The following RERE variants were observed in gnomAD, a reference collection of about 807,000 sequenced individuals.
The protein encoded by RERE is arginine-glutamic acid dipeptide repeats.
In RERE, 40 loss-of-function variants were observed where a neutral mutation model predicts 146.1. The ratio of observed to expected loss-of-function variants is 0.27; its 90% CI spans 0.21 to 0.36. The LOEUF (loss-of-function observed/expected upper bound fraction) is 0.36. RERE is among the 10% of genes least tolerant of loss of function. The probability of loss-of-function intolerance (pLI) is 1.00; values close to 1 mark genes in which losing one functional copy is unlikely to be tolerated. For synonymous variants in RERE, 1,003 were observed against 866.0 expected, an observed-to-expected ratio of 1.16 and a Z score of -2.78; for missense variants, 1,933 against 2,138.7, an observed-to-expected ratio of 0.90 and a Z score of 1.90.
rs371053838 is a variant in RERE, at chr1:8,642,130, TAACCCCAATCTAA to T, written c.325+13830_325+13842del. The stretch of plus-strand genomic sequence containing the variant: ...TTTGGTCTGTTAGAAACTGGCCTTG[TAACCCCAATCTAA>T]AACCCCAATCTAAAACAGTAACACT... On this transcript the variant is annotated intron_variant, in intron 2 of 22. Coordinates refer to ENST00000400908, the MANE Select transcript of RERE (RefSeq NM_001042681.2). Among the ~76,000 whole-genome samples, 362 of 152,352 alleles carry T rather than the reference TAACCCCAATCTAA, an allele frequency of 2.4e-3. 1 individual carries two copies. The highest frequency in any genetic ancestry group is 8.0e-3 in the African/African-American group (333 of 41,584).
At chr1:8,630,038 C>T (rs1216066753) in intron 2 of RERE, among the ~76,000 whole-genome samples, 3 of 152,154 alleles carry the variant, frequency 2.0e-5, no homozygotes, top group Non-Finnish European at 2.9e-5. Context: ...ACTCCTCCAC[C>T]CTCAATGCTT....
chr1:8,501,034 G>A (rs1370502051), intron 8 of RERE, among the ~76,000 whole-genome samples: 8 of 133,536 alleles, frequency 6.0e-5, no homozygotes, highest in African/African-American at 6.5e-5. Flanking sequence ...GTCCGGGAGG[G>A]GGGGGGGGGG....
chr1:8,605,581 T>G (rs998893281), intron 4 of RERE, among the ~76,000 whole-genome samples: 2 of 151,750 alleles, frequency 1.3e-5, no homozygotes, highest in Non-Finnish European at 2.9e-5. Flanking sequence ...AAACCCCATC[T>G]CTACAAAAAA....
intron 12 of RERE, among the ~76,000 whole-genome samples, chr1:8,417,391 A>G (rs1190529177): frequency 1.3e-5 from 2 of 152,250 alleles, no homozygotes; most frequent in South Asian, 2.1e-4. Context: ...AATGTGGCTA[A>G]GAAAGGTGGT....
intron 11 of RERE, among the ~76,000 whole-genome samples, chr1:8,434,308 C>G (rs977649612): frequency 1.3e-5 from 2 of 152,070 alleles, no homozygotes; most frequent in Non-Finnish European, 2.9e-5. Flanking sequence ...GCTCAACACA[C>G]CCTGCCACAC....
intron 4 of RERE, among the ~76,000 whole-genome samples, chr1:8,562,243 GTCT>G (rs1364397751): frequency 6.6e-6 from 1 of 152,094 alleles, no homozygotes; most frequent in Non-Finnish European, 1.5e-5. Flanking sequence ...AGAGGAAAAT[GTCT>G]TCATTTTTCC....
chr1:8,508,679 G>A lies in RERE; in HGVS notation c.831-4C>T, dbSNP rs1362447260. ...CCCCTGGGTACTGTTCAGCCTCCTG[G>A]AACAGAAATAGAGCAGATTAAGTTA... On this transcript the variant is annotated splice_polypyrimidine_tract_variant and splice_region_variant and intron_variant, in intron 7 of 22. Transcript: ENST00000400908. The A allele has an allele frequency of 1.2e-5, 19 of 1,611,236 alleles. No individual in the cohort carries two copies. Among genetic ancestry groups the A allele is most frequent in the Non-Finnish European group, 1.4e-5 (17 of 1,177,788 alleles).
chr1:8,386,967 T>C (rs1024619183), intron 12 of RERE, among the ~76,000 whole-genome samples: 13 of 152,186 alleles, frequency 8.5e-5, no homozygotes, highest in Admixed American at 5.9e-4. Context: ...AAATCCCAGC[T>C]GGTTAGTTTG....
intron 10 of RERE, 105 bp from the exon 11 acceptor site, chr1:8,466,128 G>A (rs965473510): frequency 8.7e-6 from 8 of 922,266 alleles, no homozygotes; most frequent in Non-Finnish European, 1.3e-5. Context: ...GAAGAGTCAG[G>A]AAAGGGGCAC....
intron 11 of RERE, among the ~76,000 whole-genome samples, chr1:8,445,410 G>A (rs1644304039): frequency 6.6e-6 from 1 of 152,198 alleles, no homozygotes; most frequent in South Asian, 2.1e-4. Flanking sequence ...TCTTCAGTGT[G>A]CCAATTAAAG....
chr1:8,640,480 AAGG>A (rs754268991), intron 2 of RERE, among the ~76,000 whole-genome samples: 4 of 152,222 alleles, frequency 2.6e-5, no homozygotes, highest in Non-Finnish European at 5.9e-5. Flanking sequence ...CATAACTGAA[AAGG>A]CATTCCTTGC....
intron 12 of RERE, among the ~76,000 whole-genome samples, chr1:8,406,561 G>T (rs1643443812): frequency 2.0e-5 from 3 of 151,974 alleles, no homozygotes; most frequent in Admixed American, 6.6e-5. Context: ...GGAGAATCTG[G>T]GTAAAGAATA....
At chr1:8,810,609 A>G (rs1295500580) in intron 1 of RERE, among the ~76,000 whole-genome samples, 1 of 152,150 alleles carries the variant, frequency 6.6e-6, no homozygotes, top group Admixed American at 6.5e-5. Context: ...CTTTCCTCAA[A>G]AAATTTAAAT....
chr1:8,464,736 G>T (rs573602405), intron 11 of RERE, among the ~76,000 whole-genome samples: 13 of 152,228 alleles, frequency 8.5e-5, no homozygotes, highest in African/African-American at 2.9e-4. Flanking sequence ...TCATCTAAAT[G>T]TTACTTACCA....
chr1:8,773,536 C>T (rs1239274486), intron 1 of RERE, among the ~76,000 whole-genome samples: 1 of 151,888 alleles, frequency 6.6e-6, no homozygotes, highest in Non-Finnish European at 1.5e-5. Context: ...TAAAAAAATA[C>T]AAAAATTAGC....
chr1:8,395,536 C>T (rs1570133970), intron 12 of RERE, among the ~76,000 whole-genome samples: 1 of 151,512 alleles, frequency 6.6e-6, no homozygotes, highest in African/African-American at 2.4e-5. Flanking sequence ...AAAAAGGAAC[C>T]TCTCCTGCTC....
At chr1:8,448,960 A>G (rs1320100580) in intron 11 of RERE, among the ~76,000 whole-genome samples, 1 of 152,184 alleles carries the variant, frequency 6.6e-6, no homozygotes, top group African/African-American at 2.4e-5. Flanking sequence ...CACACAGGAA[A>G]CCTCACGCAT....
chr1:8,726,771 T>A (rs1639977371), intron 1 of RERE, among the ~76,000 whole-genome samples: 1 of 152,318 alleles, frequency 6.6e-6, no homozygotes, highest in East Asian at 1.9e-4. Flanking sequence ...TTCTAATTAC[T>A]CAAGCTTTCA....
intron 1 of RERE, among the ~76,000 whole-genome samples, chr1:8,775,515 T>C (rs1641047809): frequency 6.6e-6 from 1 of 152,140 alleles, no homozygotes. Context: ...GCCCAGAAGG[T>C]AGAGGCTGCA....
Sources: gnomAD v4.1 joint callset for allele counts (sites outside exome capture counted in the v4.1 genomes callset) on GRCh38, gnomAD v4.1.1 for gene constraint, MANE v1.5 for transcripts, NCBI Gene and HGNC (gene_info 2026-07-23, HGNC 2026-07-21) for gene names.